SEC14L3: variants seen among roughly 807,000 people sequenced by gnomAD.
The protein encoded by SEC14L3 is SEC14-like protein 3.
Under a neutral mutation model 57.4 loss-of-function variants are expected in SEC14L3, and 56 were observed. That is an observed-to-expected ratio of 0.97 (90% confidence interval 0.79 to 1.22). SEC14L3 has a LOEUF of 1.22. Among genes scored for constraint, SEC14L3 ranks in the 50% most tolerant of loss-of-function variants. The probability of loss-of-function intolerance (pLI) is 0.00; values close to 1 mark genes in which losing one functional copy is unlikely to be tolerated. For missense variants in SEC14L3, 485 were observed against 511.7 expected, an observed-to-expected ratio of 0.95 and a Z score of 0.50; for synonymous variants, 173 against 194.4, an observed-to-expected ratio of 0.89 and a Z score of 0.92.
intron 12 of SEC14L3, among the ~76,000 whole-genome samples, chr22:30,451,992 A>AC (rs1556005059): frequency 3.2e-5 from 1 of 31,306 alleles, no homozygotes; most frequent in Non-Finnish European, 5.7e-5. Context: ...ACTCCATCTC[A>AC]AAAAAAAAAA....
intron 11 of SEC14L3, among the ~76,000 whole-genome samples, chr22:30,460,715 C>T (rs949442802): frequency 1.3e-5 from 2 of 151,422 alleles, no homozygotes; most frequent in African/African-American, 2.4e-5. Context: ...GTAATCCAAG[C>T]GACTCAGAAG....
Position 30,451,991 on chromosome 22 carries a change from CA to C in SEC14L3, c.905-2748del, listed in dbSNP as rs34799395. ...TGGGCAAGAGAGTAAGACTCCATCT[CA>C]AAAAAAAAAAAAAAAAAGAAAAAAG... On this transcript the variant is annotated intron_variant, in intron 12 of 12. Coordinates refer to the SEC14L3 transcript ENST00000403066. 1.2e-3 allele frequency among the ~76,000 whole-genome samples: 41 copies of C among 33,828 alleles called. 1 individual carries two copies. Among genetic ancestry groups the C allele is most frequent in the Admixed American group, 1.6e-3 (4 of 2,508 alleles). The allele number at this position is 33,828 out of a possible 152,430, so 22.2% of individuals were successfully genotyped here.
At chr22:30,449,812 G>A (rs111967085) in intron 12 of SEC14L3, among the ~76,000 whole-genome samples, 3 of 152,214 alleles carry the variant, frequency 2.0e-5, no homozygotes, top group African/African-American at 7.2e-5. Context: ...TGATCCACCT[G>A]CCTTGGCCTC....
chr22:30,449,813 C>T (rs1934947220), intron 12 of SEC14L3, among the ~76,000 whole-genome samples: 1 of 152,174 alleles, frequency 6.6e-6, no homozygotes, highest in African/African-American at 2.4e-5. Flanking sequence ...GATCCACCTG[C>T]CTTGGCCTCC....
In SEC14L3 at chr22:30,460,002, T is replaced by C; in HGVS notation, c.*19A>G. On this transcript the variant is annotated 3_prime_UTR_variant, in exon 12 of 12. Transcript: ENST00000215812. ...AGAAATCAAAGGGTTAGGAGGTCTCTGAGAAATGAGGGAGCCACCTAGACA... is the reference window on the plus strand; with the variant it reads ...AGAAATCAAAGGGTTAGGAGGTCTCCGAGAAATGAGGGAGCCACCTAGACA... 1 of 1,613,006 alleles carries C rather than the reference T, an allele frequency of 6.2e-7. No homozygotes were observed. The highest frequency in any genetic ancestry group is 8.5e-7 in the Non-Finnish European group (1 of 1,179,254).
chr22:30,447,683 T>A (rs1191774626), downstream of SEC14L3, among the ~76,000 whole-genome samples: 1 of 152,188 alleles, frequency 6.6e-6, no homozygotes, highest in African/African-American at 2.4e-5. Context: ...TCTTAGAATT[T>A]TATTTTTGGT....
downstream of SEC14L3, among the ~76,000 whole-genome samples, chr22:30,455,099 T>C (rs1157369818): frequency 2.2e-5 from 1 of 45,334 alleles, no homozygotes; most frequent in Non-Finnish European, 3.4e-5. Flanking sequence ...TAATATATAA[T>C]ATATTTAATA....
chr22:30,454,845 A>T (rs188742431), downstream of SEC14L3, among the ~76,000 whole-genome samples: 17,706 of 56,998 alleles, frequency 0.31, 4,199 homozygotes, highest in African/African-American at 0.56. Flanking sequence ...AATAATATAT[A>T]ATATATTATA....
At chr22:30,458,938 A>G (rs925195452), downstream of SEC14L3, among the ~76,000 whole-genome samples, 1 of 152,170 alleles carries the variant, frequency 6.6e-6, no homozygotes, top group African/African-American at 2.4e-5. Flanking sequence ...CCAAGAGGTC[A>G]AGACTGCAGT....
chr22:30,454,694 C>A (rs1333570770), downstream of SEC14L3, among the ~76,000 whole-genome samples: 20 of 86,718 alleles, frequency 2.3e-4, no homozygotes, highest in Non-Finnish European at 2.7e-4. Context: ...AATCTATAAT[C>A]CATAATATAT....
intron 6 of SEC14L3, 103 bp downstream of exon 6, chr22:30,466,879 G>A: frequency 9.1e-7 from 1 of 1,099,644 alleles, no homozygotes; most frequent in Non-Finnish European, 1.3e-6. Context: ...GGGAGCCCAG[G>A]ACATTTTTAA....
intron 12 of SEC14L3, among the ~76,000 whole-genome samples, chr22:30,450,623 A>C (rs1934963023): frequency 6.6e-6 from 1 of 152,032 alleles, no homozygotes; most frequent in Non-Finnish European, 1.5e-5. Flanking sequence ...TTTTTACAAC[A>C]TCTCCTCATA....
At chr22:30,448,951 C>G in exon 13 of SEC14L3, 1 of 777,606 alleles carries the variant, frequency 1.3e-6, no homozygotes, top group Non-Finnish European at 2.1e-6. Context: ...GCCCTAGGCC[C>G]TCTGAGTATA....
intron 8 of SEC14L3, among the ~76,000 whole-genome samples, chr22:30,463,577 A>G (rs976373168): frequency 1.3e-5 from 2 of 152,152 alleles, no homozygotes; most frequent in Non-Finnish European, 2.9e-5. Context: ...CAAGTTCCCC[A>G]TCCCAGTGGA....
chr22:30,454,008 T>A (rs1256830172), intron 12 of SEC14L3, among the ~76,000 whole-genome samples: 1 of 152,112 alleles, frequency 6.6e-6, no homozygotes, highest in Non-Finnish European at 1.5e-5. Flanking sequence ...CTTGGTCTTG[T>A]CTTACTGTTC....
downstream of SEC14L3, among the ~76,000 whole-genome samples, chr22:30,457,359 G>T (rs1207187366): frequency 1.3e-5 from 2 of 148,932 alleles, no homozygotes; most frequent in Non-Finnish European, 3.0e-5. Context: ...ATAAACAATG[G>T]ATACATTTTA....
Position 30,464,826 on chromosome 22 carries a change from A to T in SEC14L3, c.658T>A (p.Leu220Met). The part of the protein sequence containing the change: ...SEDTRRKIIV[L>M]GNNWKEGLLK... Reference sequence around the variant, plus strand: ...TTGAGCTGGCACTACTTACTTCCCAACACAATAATTTTCCTGCGAGTGTCC... The same window carrying T: ...TTGAGCTGGCACTACTTACTTCCCATCACAATAATTTTCCTGCGAGTGTCC... The change falls in exon 8 of 12, where the codon TTG becomes ATG. Residue 220 changes from leucine to methionine, a missense_variant. Coordinates refer to ENST00000215812, the MANE Select transcript of SEC14L3 (RefSeq NM_174975.5). The T allele has an allele frequency of 1.9e-6, 3 of 1,614,076 alleles. No homozygotes were observed. The South Asian group carries it at 3.3e-5, about 18-fold the overall frequency.
chr22:30,465,767 C>A (rs149004268), intron 7 of SEC14L3, among the ~76,000 whole-genome samples: 23 of 152,352 alleles, frequency 1.5e-4, no homozygotes, highest in Non-Finnish European at 2.4e-4. Context: ...AGCCAAGCAA[C>A]CAACTGGCCA....
At chr22:30,468,441 C>T (rs1157487300) in intron 5 of SEC14L3, 67 bp downstream of exon 5, 2 of 1,250,418 alleles carry the variant, frequency 1.6e-6, no homozygotes, top group African/African-American at 3.0e-5. Context: ...AGGTGTGTTT[C>T]TGAGACCAAT....
Sources: gnomAD v4.1 joint callset for allele counts (sites outside exome capture counted in the v4.1 genomes callset) on GRCh38, gnomAD v4.1.1 for gene constraint, MANE v1.5 for transcripts, NCBI Gene and HGNC (gene_info 2026-07-23, HGNC 2026-07-21) for gene names.